The following FCHO2 variants were observed in gnomAD, a reference collection of about 807,000 sequenced individuals.
FCHO2 encodes F-BAR domain only protein 2.
In FCHO2, 43 loss-of-function variants were observed where a neutral mutation model predicts 114.1. That is an observed-to-expected ratio of 0.38 (90% CI 0.30 to 0.49). FCHO2 has a LOEUF of 0.49. FCHO2 is among the 20% of genes least tolerant of loss of function. The pLI is 0.97. For missense variants in FCHO2, 807 were observed against 950.4 expected, an observed-to-expected ratio of 0.85 and a Z score of 1.98; for synonymous variants, 293 against 315.2, an observed-to-expected ratio of 0.93 and a Z score of 0.75.
chr5:73,074,992 T>G (rs1233357601), intron 20 of FCHO2, 139 bp downstream of exon 20: 1 of 657,768 alleles, frequency 1.5e-6, no homozygotes, highest in African/African-American at 1.8e-5. Context: ...TTACCTGCTT[T>G]TTTGCTATCT....
intron 8 of FCHO2, among the ~76,000 whole-genome samples, chr5:73,024,309 G>C (rs1480272410): frequency 4.6e-5 from 7 of 152,114 alleles, no homozygotes; most frequent in African/African-American, 1.4e-4. Context: ...CAATCCTTCT[G>C]TCTCAGCCTC....
chr5:72,958,043 G>GT (rs567866910), intron 1 of FCHO2, among the ~76,000 whole-genome samples: 230 of 142,564 alleles, frequency 1.6e-3, no homozygotes, highest in Middle Eastern at 3.6e-3. Flanking sequence ...AGTTGTAAGA[G>GT]TTTTTTTTTT....
chr5:73,036,205 A>G (rs774976382), intron 9 of FCHO2, among the ~76,000 whole-genome samples: 4 of 152,144 alleles, frequency 2.6e-5, no homozygotes, highest in Non-Finnish European at 5.9e-5. Flanking sequence ...ATAATTTGTC[A>G]TGAAAGAAGA....
At chr5:72,986,939 C>T (rs987211733) in intron 2 of FCHO2, among the ~76,000 whole-genome samples, 1 of 149,048 alleles carries the variant, frequency 6.7e-6, no homozygotes, top group African/African-American at 2.5e-5. Flanking sequence ...AGTGCAGTGG[C>T]ACCATCTCGG....
chr5:72,965,665 T>G (rs753680824), intron 1 of FCHO2, among the ~76,000 whole-genome samples: 2 of 152,210 alleles, frequency 1.3e-5, no homozygotes, highest in Non-Finnish European at 2.9e-5. Flanking sequence ...TATCTGTAGG[T>G]TCTTCACTAA....
At chr5:73,064,092 C>T in intron 18 of FCHO2, 148 bp downstream of exon 18, 2 of 651,476 alleles carry the variant, frequency 3.1e-6, no homozygotes, top group South Asian at 2.0e-5. Context: ...CTAGTGCTTC[C>T]TTTACTCTTC....
chr5:73,042,763 C>G (rs917213854), intron 11 of FCHO2, among the ~76,000 whole-genome samples: 2 of 151,750 alleles, frequency 1.3e-5, no homozygotes, highest in Non-Finnish European at 2.9e-5. Context: ...TAAGTGGGTG[C>G]CTAGTAGGAA....
chr5:73,016,356 A>ATATTTTAAATT (rs1400743021), intron 7 of FCHO2, among the ~76,000 whole-genome samples: 119 of 146,670 alleles, frequency 8.1e-4, no homozygotes, highest in African/African-American at 2.7e-3. Context: ...ATATTAAAAA[A>ATATTTTAAATT]GATTTTAAAT....
intron 23 of FCHO2, among the ~76,000 whole-genome samples, chr5:73,082,187 T>C (rs1276091754): frequency 6.6e-6 from 1 of 151,624 alleles, no homozygotes; most frequent in Non-Finnish European, 1.5e-5. Context: ...AGTTTTGCTC[T>C]AAGTACCACC....
At chr5:73,010,554 A>G (rs1754950771) in intron 6 of FCHO2, among the ~76,000 whole-genome samples, 1 of 152,050 alleles carries the variant, frequency 6.6e-6, no homozygotes, top group African/African-American at 2.4e-5. Context: ...TCGTTAGGCA[A>G]TTTTGTCATT....
At chr5:73,003,889 A>G (rs1754574823) in intron 5 of FCHO2, among the ~76,000 whole-genome samples, 1 of 151,834 alleles carries the variant, frequency 6.6e-6, no homozygotes, top group Admixed American at 6.6e-5. Context: ...CTCTACTAAA[A>G]ATACAAAAAT....
chr5:73,084,128 AATTC>A (rs1344259030), intron 24 of FCHO2, among the ~76,000 whole-genome samples: 1 of 152,186 alleles, frequency 6.6e-6, no homozygotes, highest in Non-Finnish European at 1.5e-5. Flanking sequence ...ATAAGGATGT[AATTC>A]TTGGGACAGC....
chr5:72,959,117 A>G (rs1044474975), intron 1 of FCHO2, among the ~76,000 whole-genome samples: 4 of 152,160 alleles, frequency 2.6e-5, no homozygotes, highest in African/African-American at 4.8e-5. Context: ...ACTGCATTTT[A>G]TTTTATTTCC....
intron 5 of FCHO2, among the ~76,000 whole-genome samples, chr5:73,003,554 CT>C (rs926976390): frequency 2.0e-5 from 3 of 152,238 alleles, no homozygotes; most frequent in African/African-American, 7.2e-5. Flanking sequence ...TATGGGTCTC[CT>C]TTTGACTTGT....
rs770477970 is a variant in FCHO2 at position 73,087,676 on chromosome 5, G to A, written c.2333G>A (p.Ser778Asn). The A allele has an allele frequency of 6.2e-7, 1 of 1,613,834 alleles. No individual in the cohort carries two copies. Among genetic ancestry groups the A allele is most frequent in the Non-Finnish European group, 8.5e-7 (1 of 1,179,806 alleles). ...TLAVQFLSEG[S>N]TLSGVDFELV... ...GCAGTACAATTCCTCAGCGAGGGAA[G>A]TACCCTTTCAGGAGTAGATTTCGAA... The change falls in exon 25 of 26, where the codon AGT becomes AAT. Residue 778 changes from serine (S) to asparagine (N), a missense_variant. Physicochemically the swap from Ser to Asn is conservative, Grantham distance 46. Transcript: ENST00000430046.
intron 17 of FCHO2, among the ~76,000 whole-genome samples, chr5:73,061,773 G>C (rs527367697): frequency 1.1e-3 from 173 of 152,202 alleles, no homozygotes; most frequent in African/African-American, 4.0e-3. Flanking sequence ...GCATTGTAAA[G>C]CTGAAAATAC....
At chr5:73,023,688 G>C (rs377161569) in intron 8 of FCHO2, among the ~76,000 whole-genome samples, 1 of 147,794 alleles carries the variant, frequency 6.8e-6, no homozygotes, top group African/African-American at 2.5e-5. Flanking sequence ...CAACAAGAGC[G>C]AAACTCCATC....
At chr5:72,962,298 G>A (rs551156629) in intron 1 of FCHO2, among the ~76,000 whole-genome samples, 2 of 152,104 alleles carry the variant, frequency 1.3e-5, no homozygotes, top group South Asian at 4.1e-4. Context: ...TTCTTTTTTA[G>A]CTCTACACAC....
intron 24 of FCHO2, among the ~76,000 whole-genome samples, chr5:73,087,002 A>C (rs1307828920): frequency 1.3e-5 from 2 of 152,196 alleles, no homozygotes; most frequent in African/African-American, 4.8e-5. Flanking sequence ...TACAGCATTT[A>C]TAATATTCAT....
Sources: allele counts gnomAD v4.1 joint callset (sites outside exome capture counted in the v4.1 genomes callset), GRCh38; gene constraint gnomAD v4.1.1; transcripts MANE v1.5; gene names NCBI Gene and HGNC (gene_info 2026-07-23, HGNC 2026-07-21).